The following ELF5 variants were observed in gnomAD, a reference collection of about 807,000 sequenced individuals.
ELF5 encodes E74 like ETS transcription factor 5, also known as ETS-related transcription factor Elf-5.
ELF5 carries 31 observed loss-of-function variants against 38.2 expected under a neutral mutation model. That is an observed-to-expected ratio of 0.81 (90% CI 0.61 to 1.10). ELF5 has a LOEUF of 1.10. Among genes scored for constraint, ELF5 ranks in the 50% least tolerant of loss-of-function variants. ELF5 has a pLI of 0.00. For missense variants in ELF5, 300 were observed against 306.6 expected (o/e 0.98, Z 0.16); for synonymous variants, 121 against 112.5 (o/e 1.08, Z -0.48).
intron 5 of ELF5, among the ~76,000 whole-genome samples, 188 bp from the exon 6 acceptor site, chr11:34,481,155 T>G (rs1255332919): frequency 6.6e-6 from 1 of 152,072 alleles, no homozygotes; most frequent in African/African-American, 2.4e-5. Context: ...CCCAAGTAGC[T>G]GGGATTATAG....
intron 1 of ELF5, 98 bp from the exon 2 acceptor site, chr11:34,505,851 A>T (rs747662892): frequency 9.3e-6 from 13 of 1,397,668 alleles, no homozygotes; most frequent in Non-Finnish European, 1.2e-5. Flanking sequence ...GTTTTTTAAA[A>T]ATGATAACAA....
At chr11:34,513,514 G>C (rs556389580) in intron 1 of ELF5, among the ~76,000 whole-genome samples, 163 bp downstream of exon 1, 1 of 152,380 alleles carries the variant, frequency 6.6e-6, no homozygotes, top group Admixed American at 6.5e-5. Context: ...GAGGCAAGCC[G>C]TCACATCCGT....
At chr11:34,493,759 C>T in intron 2 of ELF5, 47 bp from the exon 3 acceptor site, 1 of 1,552,308 alleles carries the variant, frequency 6.4e-7, no homozygotes, top group Non-Finnish European at 8.8e-7. Flanking sequence ...CCAAGACAGC[C>T]TTCGAGAGGG....
At chr11:34,490,542 G>A (rs1229766010) in intron 3 of ELF5, among the ~76,000 whole-genome samples, 2 of 152,232 alleles carry the variant, frequency 1.3e-5, no homozygotes, top group Non-Finnish European at 1.5e-5. Flanking sequence ...TGCCTGTTAT[G>A]TGCTGGTCAG....
chr11:34,505,047 C>T (rs558364521), intron 2 of ELF5, among the ~76,000 whole-genome samples: 14 of 152,270 alleles, frequency 9.2e-5, no homozygotes, highest in African/African-American at 3.4e-4. Flanking sequence ...ATATCAATAA[C>T]CACAGTGTGA....
Position 34,482,461 on chromosome 11 carries a change from T to C in ELF5, c.445A>G (p.Ser149Gly), listed in dbSNP as rs368097843. The part of the protein sequence containing the change: ...SNCLKTSGIK[S>G]QDCHSHSRTS... ...CTACTATGACTGTGACAGTCTTGAC[T>C]TTTGATGCCACTTGTTTTCAAGCAG... Residue 149 changes from serine (S) to glycine (G), a missense_variant, in exon 5 of 7, where the codon AGT becomes GGT. By Grantham distance (56) the Ser-to-Gly change is moderately conservative. Coordinates refer to ENST00000257832, the MANE Select transcript of ELF5 (RefSeq NM_001422.4). The C allele has an allele frequency of 1.3e-5, 21 of 1,612,594 alleles. No homozygotes were observed. Among genetic ancestry groups the C allele is most frequent in the Non-Finnish European group, 1.7e-5 (20 of 1,179,738 alleles).
chr11:34,510,874 G>C (rs112233211), intron 1 of ELF5, among the ~76,000 whole-genome samples: 1 of 152,122 alleles, frequency 6.6e-6, no homozygotes, highest in East Asian at 1.9e-4. Flanking sequence ...TAGTGTCAGC[G>C]CCAGTACAGA....
chr11:34,505,825 T>G (rs1850603120), intron 1 of ELF5, 72 bp from the exon 2 acceptor site: 6 of 1,513,496 alleles, frequency 4.0e-6, no homozygotes, highest in Non-Finnish European at 5.3e-6. Flanking sequence ...CAGGAGCCCC[T>G]AGCAGGGCGA....
At chr11:34,496,222 C>T (rs1374468669) in intron 2 of ELF5, among the ~76,000 whole-genome samples, 7 of 152,252 alleles carry the variant, frequency 4.6e-5, no homozygotes, top group Admixed American at 6.5e-5. Context: ...CCCTGCTCCT[C>T]GGCGCTCTGC....
chr11:34,486,568 A>ATG (rs143752050), intron 4 of ELF5, among the ~76,000 whole-genome samples: 6 of 152,064 alleles, frequency 3.9e-5, no homozygotes, highest in East Asian at 1.9e-4. Flanking sequence ...CTATGTGAAT[A>ATG]TGTGTGTGTG....
At chr11:34,502,412 C>T (rs1175915506) in intron 2 of ELF5, among the ~76,000 whole-genome samples, 3 of 152,210 alleles carry the variant, frequency 2.0e-5, no homozygotes, top group African/African-American at 4.8e-5. Flanking sequence ...CTGGCTGTCT[C>T]CTGACCCACC....
intron 4 of ELF5, among the ~76,000 whole-genome samples, chr11:34,488,310 T>C (rs1464730672): frequency 6.6e-6 from 1 of 152,148 alleles, no homozygotes; most frequent in Non-Finnish European, 1.5e-5. Flanking sequence ...GTTCAAAGAA[T>C]GAAGGAAACA....
Position 34,505,782 on chromosome 11 carries a change from G to C in ELF5, c.-4-29C>G, listed in dbSNP as rs565503257. ...CAACAGCAGGAGAGGTCGTGAGGAG[G>C]CTGGGGTGAGGTACTCCTGAAGCCA... On this transcript the variant is annotated intron_variant, in intron 1 of 6. Transcript: ENST00000257832. 89 of 1,608,106 alleles carry C rather than the reference G, an allele frequency of 5.5e-5. No homozygotes were observed. The African/African-American group carries it at 7.1e-4, about 13-fold the overall frequency.
At chr11:34,492,227 C>T (rs1258984974) in intron 3 of ELF5, 1 of 152,346 alleles carries the variant, frequency 6.6e-6, no homozygotes, top group African/African-American at 2.4e-5. Flanking sequence ...GTCATTGTCA[C>T]TGGAGTTTTG....
At chr11:34,488,485 A>T (rs1850068782) in intron 4 of ELF5, among the ~76,000 whole-genome samples, 1 of 152,208 alleles carries the variant, frequency 6.6e-6, no homozygotes, top group East Asian at 1.9e-4. Context: ...TATTGGGAAG[A>T]TTACCTGACA....
At position 34,483,288 on chromosome 11, in the gene ELF5, C is replaced by T. The variant is rs558710054; in HGVS notation, c.407-789G>A. Among the ~76,000 whole-genome samples the T allele has an allele frequency of 2.0e-5, 3 of 152,102 alleles. No individual in the cohort carries two copies. In the South Asian group the frequency reaches 6.2e-4, roughly 32 times the overall value. The stretch of plus-strand genomic sequence containing the variant: ...TTGGGTCTGCACATCCTCCCCACTG[C>T]TCCGCATTTTACATAGAATATTCGA... On this transcript the variant is annotated intron_variant, in intron 4 of 6. Transcript: ENST00000257832.
At chr11:34,511,532 G>T in intron 1 of ELF5, 1 of 1,614,228 alleles carries the variant, frequency 6.2e-7, no homozygotes. Context: ...TGAGAAAGTT[G>T]GCTGCAGGTA....
chr11:34,486,392 G>C (rs1849997652), intron 4 of ELF5, among the ~76,000 whole-genome samples: 1 of 152,190 alleles, frequency 6.6e-6, no homozygotes, highest in Non-Finnish European at 1.5e-5. Context: ...AGCTCTGACA[G>C]TTTTGTAGCT....
chr11:34,490,834 A>G (rs950168708), intron 3 of ELF5, among the ~76,000 whole-genome samples: 2 of 152,096 alleles, frequency 1.3e-5, no homozygotes, highest in African/African-American at 4.8e-5. Flanking sequence ...TCATGTTCTC[A>G]TTGGTTTTGG....
Sources: gnomAD v4.1 joint callset for allele counts (sites outside exome capture counted in the v4.1 genomes callset) on GRCh38, gnomAD v4.1.1 for gene constraint, MANE v1.5 for transcripts, NCBI Gene and HGNC (gene_info 2026-07-23, HGNC 2026-07-21) for gene names.